Variants in GEMIN8 observed in about 807,000 individuals in gnomAD.
GEMIN8 encodes the protein gem-associated protein 8.
For synonymous variants in GEMIN8, 80 were observed against 78.5 expected (o/e 1.02, Z -0.10); for missense variants, 185 against 205.9 (o/e 0.90, Z 0.62).
chrX:14,022,115 A>C (rs1012870911), intron 2 of GEMIN8, among the ~76,000 whole-genome samples: 1 of 104,867 alleles, frequency 9.5e-6, no homozygotes, highest in Non-Finnish European at 2.0e-5. Flanking sequence ...TGAACTAAAA[A>C]TTTATAGTTA....
chrX:13,986,796 T>TG, the GEMIN8 span, among the ~76,000 whole-genome samples: 1 of 111,790 alleles, frequency 8.9e-6, no homozygotes, highest in African/African-American at 3.3e-5. Context: ...ACTTAGATAT[T>TG]GGGGGATGAC....
At chrX:14,017,191 C>A (rs942524722) in intron 4 of GEMIN8, among the ~76,000 whole-genome samples, 1 of 110,465 alleles carries the variant, frequency 9.1e-6, no homozygotes, top group African/African-American at 3.3e-5. Flanking sequence ...TACAGGAGGA[C>A]GAGAACCTCT....
Position 14,029,781 on chromosome X carries a change from T to G in GEMIN8, c.-120A>C, listed in dbSNP as rs1396985744. On this transcript the variant is annotated 5_prime_UTR_variant, in exon 1 of 5. Transcript: ENST00000680255. Reference sequence around the variant, plus strand: ...CCCAGCCGTCCCCGAAGTCACCTCGTGGGCGCGCAGCTTGCGGATCCTGGG... The same window carrying G: ...CCCAGCCGTCCCCGAAGTCACCTCGGGGGCGCGCAGCTTGCGGATCCTGGG... 8.8e-6 allele frequency: 1 copy of G among 113,091 alleles called. No homozygotes were observed. The highest frequency in any genetic ancestry group is 3.2e-5 in the African/African-American group (1 of 31,150). 9.3% of individuals were successfully genotyped at this position (113,091 alleles called of 1,213,427 possible). A position where few individuals can be genotyped will look rare whatever the true frequency, so the allele number is the denominator to read the frequency against.
At chrX:13,995,481 C>T in the GEMIN8 span, among the ~76,000 whole-genome samples, 1 of 111,789 alleles carries the variant, frequency 8.9e-6, no homozygotes, top group Non-Finnish European at 1.9e-5. Flanking sequence ...ACTGCTGTGA[C>T]AAATTACCAT....
At chrX:13,995,387 A>T in the GEMIN8 span, among the ~76,000 whole-genome samples, 1 of 112,105 alleles carries the variant, frequency 8.9e-6, no homozygotes, top group African/African-American at 3.2e-5. Context: ...TAGCATATGT[A>T]AAGTGTTCAG....
rs1210549292 is a variant in GEMIN8 at position 14,008,434 on chromosome X, T to C, written c.*479A>G. The C allele has an allele frequency of 8.4e-6, 1 of 119,496 alleles. No homozygotes were observed. Among genetic ancestry groups the C allele is most frequent in the Non-Finnish European group, 1.7e-5 (1 of 58,549 alleles). 9.8% of individuals were successfully genotyped at this position (119,496 alleles called of 1,213,427 possible). ...AAGATATTCACTCTCTGGCCCTTTA[T>C]AGAACATGCATCCCTCTCCACTACA... On this transcript the variant is annotated 3_prime_UTR_variant, in exon 5 of 5. Transcript: ENST00000680255.
At chrX:14,014,983 T>C in intron 4 of GEMIN8, among the ~76,000 whole-genome samples, 1 of 112,007 alleles carries the variant, frequency 8.9e-6, no homozygotes, top group Non-Finnish European at 1.9e-5. Context: ...CTCATGTGCA[T>C]GTATAACCAT....
intron 4 of GEMIN8, among the ~76,000 whole-genome samples, chrX:14,011,053 GCTT>G (rs1274616992): frequency 8.9e-6 from 1 of 112,132 alleles, no homozygotes; most frequent in African/African-American, 3.2e-5. Context: ...CGCCATGACA[GCTT>G]CTTATTTCCG....
At chrX:14,006,153 C>T (rs915943983), downstream of GEMIN8, among the ~76,000 whole-genome samples, 5 of 109,682 alleles carry the variant, frequency 4.6e-5, no homozygotes, top group African/African-American at 1.7e-4. Context: ...CTCAGCCTCC[C>T]GAGTAGCTGG....
chrX:14,003,006 T>G (rs373030621), downstream of GEMIN8, among the ~76,000 whole-genome samples: 38 of 111,966 alleles, frequency 3.4e-4, no homozygotes, highest in African/African-American at 9.7e-4. Context: ...ACCTGAGCCA[T>G]CCTAGGCTGG....
intron 4 of GEMIN8, among the ~76,000 whole-genome samples, chrX:14,018,393 T>G (rs770749340): frequency 1.8e-5 from 2 of 112,578 alleles, no homozygotes; most frequent in East Asian, 2.8e-4. Flanking sequence ...AAGTCACCTT[T>G]GAGATGACTG....
chrX:14,004,548 C>A (rs1021798812), downstream of GEMIN8, among the ~76,000 whole-genome samples: 8 of 112,260 alleles, frequency 7.1e-5, no homozygotes, highest in Non-Finnish European at 1.3e-4. Context: ...CTCTCTACGT[C>A]CTTGCCACAC....
intron 4 of GEMIN8, chrX:14,014,187 C>T (rs5934140): frequency 1.3e-6 from 1 of 751,212 alleles, no homozygotes; most frequent in Non-Finnish European, 1.6e-6. Flanking sequence ...CCTCACTTTC[C>T]TAGGACTAGT....
chrX:13,995,385 G>A, the GEMIN8 span, among the ~76,000 whole-genome samples: 1 of 112,084 alleles, frequency 8.9e-6, no homozygotes, highest in Non-Finnish European at 1.9e-5. Context: ...GGTAGCATAT[G>A]TAAAGTGTTC....
the GEMIN8 span, among the ~76,000 whole-genome samples, chrX:14,001,381 G>A: frequency 8.9e-6 from 1 of 112,189 alleles, no homozygotes; most frequent in African/African-American, 3.2e-5. Context: ...CTTTAATATC[G>A]TCTAACACTC....
intron 4 of GEMIN8, among the ~76,000 whole-genome samples, chrX:14,016,848 A>ATAT (rs1405538681): frequency 2.8e-5 from 2 of 71,127 alleles, no homozygotes; most frequent in East Asian, 8.1e-4. Flanking sequence ...CTGTCTCAAA[A>ATAT]AAAAAAAAAA....
chrX:13,993,440 A>G, the GEMIN8 span, among the ~76,000 whole-genome samples: 3 of 83,679 alleles, frequency 3.6e-5, no homozygotes, highest in Non-Finnish European at 2.4e-5. Flanking sequence ...TGTTGTGTAT[A>G]CTTTTTTTTT....
chrX:14,014,166 A>G (rs1443011495), intron 4 of GEMIN8: 1 of 751,520 alleles, frequency 1.3e-6, no homozygotes, highest in Non-Finnish European at 1.6e-6. Context: ...GTGGCAAAGA[A>G]TGTTTTTTCC....
chrX:13,993,347 G>A, the GEMIN8 span, among the ~76,000 whole-genome samples: 4 of 110,364 alleles, frequency 3.6e-5, no homozygotes, highest in Non-Finnish European at 7.6e-5. Context: ...AGGGGGTGTT[G>A]AGCTGTGAGA....
Sources: allele counts gnomAD v4.1 joint callset (sites outside exome capture counted in the v4.1 genomes callset), GRCh38; gene constraint gnomAD v4.1.1; transcripts MANE v1.5; gene names NCBI Gene and HGNC (gene_info 2026-07-23, HGNC 2026-07-21).